Variants in AHCY observed in about 807,000 individuals in gnomAD.
The protein encoded by AHCY is S-adenosyl-L-homocysteine hydrolase.
In AHCY, 24 loss-of-function variants were observed where a neutral mutation model predicts 45.4. The ratio of observed to expected loss-of-function variants is 0.53; its 90% CI spans 0.38 to 0.74. The LOEUF (loss-of-function observed/expected upper bound fraction) is 0.74. Among genes scored for constraint, AHCY ranks in the 30% least tolerant of loss-of-function variants. The pLI is 0.00. For synonymous variants in AHCY, 245 were observed against 235.1 expected (o/e 1.04, Z -0.39); for missense variants, 449 against 594.1 (o/e 0.76, Z 2.54).
At chr20:34,269,501 G>A in the AHCY span, among the ~76,000 whole-genome samples, 33 of 152,080 alleles carry the variant, frequency 2.2e-4, no homozygotes, top group Non-Finnish European at 4.6e-4. Flanking sequence ...GGTTAGGAAC[G>A]AGGCTATCCC....
At chr20:34,303,146 G>A (rs538283292) in intron 1 of AHCY, 97 bp downstream of exon 1, 1 of 1,537,680 alleles carries the variant, frequency 6.5e-7, no homozygotes, top group Non-Finnish European at 8.8e-7. Context: ...ATTCCAGGGG[G>A]TCCAGAGAGC....
the AHCY span, among the ~76,000 whole-genome samples, chr20:34,235,315 CTGTAA>C: frequency 1.3e-5 from 2 of 152,136 alleles, no homozygotes; most frequent in Non-Finnish European, 2.9e-5. Flanking sequence ...TGGCAGGCAC[CTGTAA>C]TCCCAGCTAC....
the AHCY span, among the ~76,000 whole-genome samples, chr20:34,235,828 A>G: frequency 7.8e-3 from 525 of 67,074 alleles, 23 homozygotes; most frequent in African/African-American, 0.064. Context: ...AAAGAAAGAA[A>G]GAAAGAAAGA....
intron 9 of AHCY, 77 bp from the exon 10 acceptor site, chr20:34,281,242 G>A: frequency 1.3e-6 from 2 of 1,590,298 alleles, no homozygotes; most frequent in Non-Finnish European, 8.6e-7. Flanking sequence ...GCCAATAGAG[G>A]CAGAAGTGTT....
chr20:34,263,215 C>T, the AHCY span, among the ~76,000 whole-genome samples: 3 of 152,230 alleles, frequency 2.0e-5, no homozygotes, highest in Admixed American at 6.5e-5. Flanking sequence ...TTCAGAACCA[C>T]ATTTATAACT....
the AHCY span, chr20:34,262,761 C>A: frequency 1.3e-6 from 2 of 1,559,488 alleles, no homozygotes; most frequent in Admixed American, 1.7e-5. Context: ...GCCCCCTCTG[C>A]CCCTCTCACT....
In AHCY at chr20:34,290,733, T is replaced by A; in HGVS notation, c.764A>T (p.Glu255Val). Reference sequence around the variant, plus strand: ...AACCAACCCTTGCCCTATCCTACCCTCCATGGCAGCCTGCAGTGCGTTGAT... The same window carrying A: ...AACCAACCCTTGCCCTATCCTACCCACCATGGCAGCCTGCAGTGCGTTGAT... ...DPINALQAAM[E>V]GYEVTTMDEA... Residue 255 changes from glutamate to valine, a missense_variant and splice_region_variant, in exon 6 of 10, where the codon GAG (glutamate) becomes GTG (valine). Physicochemically the swap from Glu to Val is moderately radical, Grantham distance 121 (BLOSUM62 -2). Transcript: ENST00000217426. The surrounding 1 kb of genome is among the most constrained non-coding windows in gnomAD (Gnocchi z 4.5). The A allele has an allele frequency of 1.2e-6, 2 of 1,613,064 alleles. No homozygotes were observed. Among genetic ancestry groups the A allele is most frequent in the Non-Finnish European group, 1.7e-6 (2 of 1,179,886 alleles).
chr20:34,240,957 G>C, the AHCY span, among the ~76,000 whole-genome samples: 1 of 152,168 alleles, frequency 6.6e-6, no homozygotes. Context: ...AAAGCAAAGA[G>C]ATGAGGTGGG....
At chr20:34,251,861 C>T in the AHCY span, among the ~76,000 whole-genome samples, 1 of 152,112 alleles carries the variant, frequency 6.6e-6, no homozygotes, top group African/African-American at 2.4e-5. Context: ...GAAATAGGCC[C>T]TCACTAGATA....
chr20:34,257,110 G>A, the AHCY span, among the ~76,000 whole-genome samples: 5 of 137,734 alleles, frequency 3.6e-5, no homozygotes, highest in Admixed American at 2.3e-4. Flanking sequence ...TTTTGAGACA[G>A]TTTCCCTCTT....
chr20:34,291,483 T>C lies in AHCY; in HGVS notation c.494A>G (p.Tyr165Cys), dbSNP rs974174541. ...EETTTGVHNL[Y>C]KMMANGILKV... is the part of the protein sequence containing the mutation. ...GAGGATCCCATTGGCCATCATCTTG[T>C]AGAGGTTGTGGACCCCAGTCGTGGT... Residue 165 changes from tyrosine to cysteine, a missense_variant, in exon 5 of 10, where the codon TAC becomes TGC. Tyr to Cys is a radical substitution (Grantham distance 194). Coordinates refer to ENST00000217426, the MANE Select transcript of AHCY (RefSeq NM_000687.4). 3.7e-6 allele frequency: 6 copies of C among 1,614,056 alleles called. No homozygotes were observed. In the South Asian group the frequency reaches 6.6e-5, roughly 18 times the overall value.
the AHCY span, among the ~76,000 whole-genome samples, chr20:34,270,593 A>G: frequency 3.3e-5 from 5 of 152,222 alleles, no homozygotes; most frequent in African/African-American, 1.2e-4. Context: ...TAACAAAGCC[A>G]CTTGGCTGCT....
intron 1 of AHCY, among the ~76,000 whole-genome samples, chr20:34,310,199 G>A (rs1268350329): frequency 1.3e-5 from 2 of 151,968 alleles, no homozygotes; most frequent in African/African-American, 2.4e-5. Context: ...GATTACAGGC[G>A]CCTGCCACCA....
At chr20:34,303,895 C>G (rs1478931152), upstream of AHCY, among the ~76,000 whole-genome samples, 1 of 151,988 alleles carries the variant, frequency 6.6e-6, no homozygotes, top group African/African-American at 2.4e-5. Flanking sequence ...ACTTGGGACG[C>G]GGAGGCGGGA....
the AHCY span, among the ~76,000 whole-genome samples, chr20:34,257,116 C>T: frequency 6.8e-6 from 1 of 147,572 alleles, no homozygotes; most frequent in Non-Finnish European, 1.5e-5. Flanking sequence ...GACAGTTTCC[C>T]TCTTTCACCC....
chr20:34,310,370 T>C (rs1383975612), intron 1 of AHCY, among the ~76,000 whole-genome samples: 2 of 152,176 alleles, frequency 1.3e-5, no homozygotes, highest in African/African-American at 4.8e-5. Context: ...ATTAATTTTA[T>C]TTTTAAGTTT....
chr20:34,270,060 G>A, the AHCY span, among the ~76,000 whole-genome samples: 2 of 147,834 alleles, frequency 1.4e-5, no homozygotes, highest in African/African-American at 2.5e-5. Context: ...CATAGTGAGA[G>A]ACTCCCCGCC....
chr20:34,295,922 G>A (rs1314358224), intron 1 of AHCY, among the ~76,000 whole-genome samples: 1 of 151,818 alleles, frequency 6.6e-6, no homozygotes, highest in Admixed American at 6.6e-5. Flanking sequence ...CCAACCTCCA[G>A]GCCACTCCTC....
At chr20:34,260,505 T>C in the AHCY span, 3 of 1,613,660 alleles carry the variant, frequency 1.9e-6, no homozygotes, top group Non-Finnish European at 2.5e-6. Context: ...TCTGTGAACC[T>C]ACTGGATGTC....
Sources: allele counts gnomAD v4.1 joint callset (sites outside exome capture counted in the v4.1 genomes callset), GRCh38; gene constraint gnomAD v4.1.1; non-coding constraint Gnocchi (gnomAD v3.1); transcripts MANE v1.5; gene names NCBI Gene and HGNC (gene_info 2026-07-23, HGNC 2026-07-21).